Variants in DIAPH3 observed in about 807,000 individuals in gnomAD.
DIAPH3 encodes diaphanous related formin 3, also known as protein diaphanous homolog 3.
Under a neutral mutation model 144.3 loss-of-function variants are expected in DIAPH3, and 117 were observed. That is an observed-to-expected ratio of 0.81 (90% CI 0.70 to 0.95). The LOEUF is 0.95. DIAPH3 is among the 40% of genes least tolerant of loss of function. The pLI is 0.00. For missense variants in DIAPH3, 1,421 were observed against 1,412.7 expected, an observed-to-expected ratio of 1.01 and a Z score of -0.09; for synonymous variants, 519 against 488.9, an observed-to-expected ratio of 1.06 and a Z score of -0.81.
intron 17 of DIAPH3, among the ~76,000 whole-genome samples, chr13:59,954,244 T>C (rs2049259691): frequency 6.6e-6 from 1 of 152,200 alleles, no homozygotes; most frequent in Admixed American, 6.5e-5. Context: ...TCTCACCCTC[T>C]TACATTAAAA....
intron 4 of DIAPH3, among the ~76,000 whole-genome samples, chr13:60,059,659 G>C (rs2056690889): frequency 6.6e-6 from 1 of 151,772 alleles, no homozygotes; most frequent in South Asian, 2.1e-4. Context: ...AAAACAAATT[G>C]TGATTTAAAG....
chr13:60,051,586 C>T (rs1340695122), intron 4 of DIAPH3, among the ~76,000 whole-genome samples: 1 of 152,042 alleles, frequency 6.6e-6, no homozygotes, highest in Non-Finnish European at 1.5e-5. Context: ...CACCATTGCA[C>T]TCCAGCCTGG....
chr13:59,778,017 A>G (rs553218861), intron 25 of DIAPH3, among the ~76,000 whole-genome samples: 1 of 152,326 alleles, frequency 6.6e-6, no homozygotes, highest in Admixed American at 6.5e-5. Context: ...TGATAACTGT[A>G]TTATGGTTCA....
chr13:60,005,994 TAA>T (rs1426092036), intron 9 of DIAPH3, among the ~76,000 whole-genome samples: 4 of 152,176 alleles, frequency 2.6e-5, no homozygotes, highest in African/African-American at 9.7e-5. Flanking sequence ...TGACTAAATA[TAA>T]GTTTATCATG....
At chr13:59,843,670 T>A (rs1489032978) in intron 22 of DIAPH3, among the ~76,000 whole-genome samples, 2 of 152,254 alleles carry the variant, frequency 1.3e-5, no homozygotes, top group African/African-American at 4.8e-5. Context: ...TTTCTTGTGC[T>A]TCACCAGAAG....
At chr13:60,040,500 T>C (rs2055578948) in intron 5 of DIAPH3, among the ~76,000 whole-genome samples, 1 of 152,128 alleles carries the variant, frequency 6.6e-6, no homozygotes, top group African/African-American at 2.4e-5. Flanking sequence ...AAAATCACAA[T>C]AATAACCCAT....
chr13:60,069,696 C>T (rs2057123307), intron 4 of DIAPH3, among the ~76,000 whole-genome samples: 1 of 152,106 alleles, frequency 6.6e-6, no homozygotes, highest in Non-Finnish European at 1.5e-5. Flanking sequence ...CTGCATATGG[C>T]TAGCCAGTCA....
At chr13:59,961,959 A>G (rs2049790200) in intron 17 of DIAPH3, among the ~76,000 whole-genome samples, 1 of 152,224 alleles carries the variant, frequency 6.6e-6, no homozygotes, top group South Asian at 2.1e-4. Flanking sequence ...TACTTTTATT[A>G]ATAAATGCAT....
At chr13:59,988,180 G>A (rs979818979) in intron 12 of DIAPH3, among the ~76,000 whole-genome samples, 1 of 151,742 alleles carries the variant, frequency 6.6e-6, no homozygotes, top group Non-Finnish European at 1.5e-5. Context: ...TTTAAGAAAC[G>A]GTTCCTGGGT....
intron 1 of DIAPH3, among the ~76,000 whole-genome samples, chr13:60,159,952 G>A (rs547399753): frequency 7.9e-5 from 12 of 152,070 alleles, no homozygotes; most frequent in East Asian, 3.9e-4. Flanking sequence ...CCGGCCAGGC[G>A]CGGTGGCTCA....
chr13:60,038,308 T>C (rs868113768), intron 5 of DIAPH3, among the ~76,000 whole-genome samples: 2 of 152,156 alleles, frequency 1.3e-5, no homozygotes, highest in South Asian at 2.1e-4. Context: ...AGTCAAAGTA[T>C]TAGCAACTTC....
intron 14 of DIAPH3, among the ~76,000 whole-genome samples, chr13:59,980,283 C>T (rs918367784): frequency 6.6e-6 from 1 of 151,468 alleles, no homozygotes; most frequent in Admixed American, 6.6e-5. Flanking sequence ...AAACTAAAAG[C>T]AAGTTAACTT....
chr13:59,992,310 T>C (rs2051876713), intron 10 of DIAPH3, 124 bp from the exon 11 acceptor site: 3 of 1,030,650 alleles, frequency 2.9e-6, no homozygotes, highest in Admixed American at 4.4e-5. Flanking sequence ...ATTTAAAGTG[T>C]TAAATAACAC....
At chr13:59,769,583 C>G (rs1344462984) in intron 27 of DIAPH3, among the ~76,000 whole-genome samples, 1 of 151,730 alleles carries the variant, frequency 6.6e-6, no homozygotes, top group African/African-American at 2.4e-5. Flanking sequence ...CCCTCTTTGA[C>G]TTTTCCCCAT....
chr13:60,103,498 A>C (rs2058331201), intron 3 of DIAPH3, among the ~76,000 whole-genome samples: 1 of 152,204 alleles, frequency 6.6e-6, no homozygotes, highest in South Asian at 2.1e-4. Context: ...AAAACACTAC[A>C]GACAGGCAGA....
intron 24 of DIAPH3, among the ~76,000 whole-genome samples, chr13:59,813,317 G>A (rs1355673075): frequency 1.3e-5 from 2 of 151,548 alleles, no homozygotes; most frequent in African/African-American, 2.4e-5. Flanking sequence ...TTATTGCTAA[G>A]CTATAAAATA....
chr13:60,010,634 G>A lies in DIAPH3; in HGVS notation c.807C>T (p.Ser269=). 1 of 1,613,642 alleles carries A rather than the reference G, an allele frequency of 6.2e-7. No individual in the cohort carries two copies. The highest frequency in any genetic ancestry group is 1.1e-5 in the South Asian group (1 of 91,038). ...GLERIMSEER[S]LSLLAKAVDP... ...CCACGGCTTTGGCCAATAAGGAAAG[G>A]CTCCTCTCCTCACTCATAATTCTTT... The change falls in exon 8 of 28, where the codon AGC becomes AGT. Residue 269 remains serine, a synonymous_variant. Transcript: ENST00000400324.
chr13:59,679,858 C>T (rs570189470), intron 27 of DIAPH3, among the ~76,000 whole-genome samples: 26 of 152,044 alleles, frequency 1.7e-4, no homozygotes, highest in Middle Eastern at 3.4e-3. Flanking sequence ...TCAAGTATTA[C>T]GGTATGGTTT....
chr13:59,937,514 A>G (rs2048322718), intron 17 of DIAPH3, among the ~76,000 whole-genome samples: 1 of 152,214 alleles, frequency 6.6e-6, no homozygotes, highest in South Asian at 2.1e-4. Flanking sequence ...GTAACAATAC[A>G]TTATATTAAC....
Sources: allele counts gnomAD v4.1 joint callset (sites outside exome capture counted in the v4.1 genomes callset), GRCh38; gene constraint gnomAD v4.1.1; transcripts MANE v1.5; gene names NCBI Gene and HGNC (gene_info 2026-07-23, HGNC 2026-07-21).